Variants in CCT6A observed in about 807,000 individuals in gnomAD.
The protein encoded by CCT6A is T-complex protein 1 subunit zeta.
In CCT6A, 6 loss-of-function variants were observed where a neutral mutation model predicts 58.6. The ratio of observed to expected loss-of-function variants is 0.10; its 90% CI spans 0.06 to 0.20. CCT6A has a LOEUF of 0.20. Ranked by LOEUF, CCT6A falls within the 10% of genes least tolerant of loss-of-function variation. CCT6A has a pLI of 1.00. For synonymous variants in CCT6A, 245 were observed against 227.8 expected, an observed-to-expected ratio of 1.08 and a Z score of -0.68; for missense variants, 516 against 648.8, an observed-to-expected ratio of 0.80 and a Z score of 2.22.
At chr7:56,061,230 T>C (rs1794424575) in intron 11 of CCT6A, among the ~76,000 whole-genome samples, 1 of 152,208 alleles carries the variant, frequency 6.6e-6, no homozygotes, top group Non-Finnish European at 1.5e-5. Context: ...CTGATATCAT[T>C]GTTTTCTATT....
rs1794385997 is a variant in CCT6A, at chr7:56,059,550, T to G, written c.975T>G (p.Thr325=). 1 of 1,591,520 alleles carries G rather than the reference T, an allele frequency of 6.3e-7. No individual in the cohort carries two copies. Among genetic ancestry groups the G allele is most frequent in the Admixed American group, 1.7e-5 (1 of 59,948 alleles). The stretch of plus-strand genomic sequence containing the variant: ...CCTTAAAATGCTATTTCAGGCTGAC[T>G]CTTGCTTGTGGTGGGGTAGCCCTGA... ...RAKRRNMERL[T]LACGGVALNS... Residue 325 remains threonine (T), a synonymous_variant, in exon 9 of 14, where the codon ACT becomes ACG. Coordinates refer to ENST00000275603, the MANE Select transcript of CCT6A (RefSeq NM_001762.4).
intron 8 of CCT6A, 56 bp from the exon 9 acceptor site, chr7:56,059,488 T>C (rs780715658): frequency 1.5e-5 from 13 of 869,776 alleles, no homozygotes; most frequent in Non-Finnish European, 2.6e-5. Context: ...ACTGGTCTTA[T>C]CTTTGAAATT....
At position 56,063,275 on chromosome 7, in the gene CCT6A, G is replaced by T; in HGVS notation, c.*190G>T. 1 of 597,074 alleles carries T rather than the reference G, an allele frequency of 1.7e-6. No homozygotes were observed. The highest frequency in any genetic ancestry group is 3.0e-6 in the Non-Finnish European group (1 of 337,082). The allele number at this position is 597,074 out of a possible 1,614,324, so 37.0% of individuals were successfully genotyped here. On this transcript the variant is annotated 3_prime_UTR_variant, in exon 14 of 14. Coordinates refer to ENST00000275603, the MANE Select transcript of CCT6A (RefSeq NM_001762.4). ...TAGTATTTTTAAAAATTGCACTGAA[G>T]TGTATACACATAAAGCAGGTCTTTT...
At chr7:56,053,504 C>G (rs1794235673) in intron 2 of CCT6A, among the ~76,000 whole-genome samples, 1 of 152,116 alleles carries the variant, frequency 6.6e-6, no homozygotes, top group Non-Finnish European at 1.5e-5. Flanking sequence ...GTAATCGCAG[C>G]ACTTTGGCAG....
At chr7:56,052,399 G>A in intron 1 of CCT6A, 23 bp from the exon 2 acceptor site, 1 of 1,609,572 alleles carries the variant, frequency 6.2e-7, no homozygotes, top group Non-Finnish European at 8.5e-7. Context: ...TCATAGTCTG[G>A]TTCATTTCTG....
Position 56,062,702 on chromosome 7 carries a change from A to C in CCT6A, c.1470A>C (p.Ala490=), listed in dbSNP as rs2117353515. ...DLNTGEPMVA[A]EVGVWDNYCV... is the part of the protein sequence containing the mutation. Reference sequence around the variant, plus strand: ...TTTTAGGTGAGCCAATGGTGGCAGCAGAAGTAGGCGTATGGGATAACTATT... The same window carrying C: ...TTTTAGGTGAGCCAATGGTGGCAGCCGAAGTAGGCGTATGGGATAACTATT... Residue 490 remains alanine (A), a synonymous_variant, in exon 13 of 14, where the codon GCA becomes GCC. Coordinates refer to ENST00000275603, the MANE Select transcript of CCT6A (RefSeq NM_001762.4). The C allele has an allele frequency of 6.2e-7, 1 of 1,614,142 alleles. No homozygotes were observed. Among genetic ancestry groups the C allele is most frequent in the South Asian group, 1.1e-5 (1 of 91,080 alleles).
chr7:56,055,893 A>G, intron 4 of CCT6A, 96 bp downstream of exon 4: 6 of 923,708 alleles, frequency 6.5e-6, no homozygotes, highest in East Asian at 2.5e-5. Flanking sequence ...TTCAATTACA[A>G]GGTGCTGTGT....
rs914022025 is a variant in CCT6A, at chr7:56,055,820, G to A, written c.510+23G>A. On this transcript the variant is annotated intron_variant, in intron 4 of 13. Coordinates refer to ENST00000275603, the MANE Select transcript of CCT6A (RefSeq NM_001762.4). ...GAGGTATGTATTAAATTTTGTCTAT[G>A]TCTGGTATAGTATACCTATATAGAA... 6 of 1,557,894 alleles carry A rather than the reference G, an allele frequency of 3.9e-6. No homozygotes were observed. In the African/African-American group the frequency reaches 5.4e-5, roughly 14 times the overall value.
At chr7:56,058,918 T>C in intron 8 of CCT6A, 5 of 368,602 alleles carry the variant, frequency 1.4e-5, no homozygotes, top group East Asian at 4.2e-5. Flanking sequence ...CATTTCTCCC[T>C]CCCCCTTGCC....
In CCT6A at chr7:56,055,786, G is replaced by A; in HGVS notation, c.499G>A (p.Val167Ile). 6.2e-7 allele frequency: 1 copy of A among 1,613,016 alleles called. No homozygotes were observed. Residue 167 changes from valine (V) to isoleucine (I), a missense_variant, in exon 4 of 14, where the codon GTC becomes ATC. This residue lies in a region of CCT6A where 85 missense variants were observed against 74.9 expected (regional missense o/e 1.13). Coordinates refer to ENST00000275603, the MANE Select transcript of CCT6A (RefSeq NM_001762.4). Reference protein sequence around the residue: ...RTKVHAELADVLTEAVVDSIL... With the variant: ...RTKVHAELADILTEAVVDSIL... ...TAAAGTTCATGCTGAACTTGCAGAT[G>A]TCTTAACAGAGGTATGTATTAAATT... is the stretch of plus-strand genomic sequence containing the variant.
At position 56,062,928 on chromosome 7, in the gene CCT6A, G is replaced by A. The variant is rs1426387214; in HGVS notation, c.1524-85G>A. Reference sequence around the variant, plus strand: ...AGGGGGAAATTTAATTGGATGTAATGTGTGCAGCTTGGTTGGAAGTGGGAA... The same window carrying A: ...AGGGGGAAATTTAATTGGATGTAATATGTGCAGCTTGGTTGGAAGTGGGAA... On this transcript the variant is annotated intron_variant, in intron 13 of 13. Transcript: ENST00000275603. The A allele has an allele frequency of 5.1e-6, 6 of 1,180,836 alleles. No homozygotes were observed. In the African/African-American group the frequency reaches 7.5e-5, roughly 15 times the overall value. 73.1% of individuals were successfully genotyped at this position (1,180,836 alleles called of 1,614,324 possible). A position where few individuals can be genotyped will look rare whatever the true frequency, so the allele number is the denominator to read the frequency against.
chr7:56,056,525 C>G, intron 5 of CCT6A, 111 bp downstream of exon 5: 1 of 649,278 alleles, frequency 1.5e-6, no homozygotes, highest in Non-Finnish European at 2.8e-6. Context: ...GAGTTCCAGA[C>G]CAGCCTGGCC....
intron 2 of CCT6A, among the ~76,000 whole-genome samples, chr7:56,053,752 T>G (rs1383895614): frequency 6.6e-6 from 1 of 151,986 alleles, no homozygotes; most frequent in Non-Finnish European, 1.5e-5. Context: ...AGTGAGGGTA[T>G]CTCCAAAACA....
intron 5 of CCT6A, among the ~76,000 whole-genome samples, chr7:56,057,280 C>A (rs1272087406): frequency 6.6e-6 from 1 of 151,998 alleles, no homozygotes; most frequent in African/African-American, 2.4e-5. Context: ...AGGTACAAAG[C>A]ATAATGAGAA....
chr7:56,058,290 G>C (rs1794357767), intron 6 of CCT6A, 72 bp from the exon 7 acceptor site: 1 of 1,161,650 alleles, frequency 8.6e-7, no homozygotes, highest in Non-Finnish European at 1.2e-6. Context: ...TTAAATCTTA[G>C]GACTAATCCA....
intron 8 of CCT6A, 92 bp downstream of exon 8, chr7:56,058,794 T>C: frequency 2.6e-6 from 2 of 764,430 alleles, no homozygotes; most frequent in African/African-American, 1.7e-5. Context: ...TTCAACTGTA[T>C]AGTTAATTGG....
At position 56,058,052 on chromosome 7, in the gene CCT6A, T is replaced by C. The variant is rs765352658; in HGVS notation, c.674T>C (p.Val225Ala). Residue 225 changes from valine (V) to alanine (A), a missense_variant, in exon 6 of 14, where the codon GTG becomes GCG. Around this residue, in one of 3 missense-constraint regions of CCT6A, gnomAD observed 315 missense variants for 389.4 expected, o/e 0.81. Transcript: ENST00000275603. ...CGGCATCCTGATATGAAGAAAAGGG[T>C]GGAGGATGCATACATCCTCACTTGT... Reference protein sequence around the residue: ...GARHPDMKKRVEDAYILTCNV... With the variant: ...GARHPDMKKRAEDAYILTCNV... 1.2e-6 allele frequency: 2 copies of C among 1,612,886 alleles called. No homozygotes were observed. The highest frequency in any genetic ancestry group is 2.2e-5 in the East Asian group (1 of 44,872).
At chr7:56,055,839 T>C in intron 4 of CCT6A, 42 bp downstream of exon 4, 3 of 1,404,806 alleles carry the variant, frequency 2.1e-6, no homozygotes, top group Non-Finnish European at 3.0e-6. Context: ...AGTATACCTA[T>C]ATAGAAAATC....
Position 56,058,543 on chromosome 7 carries a change from A to G in CCT6A, c.885+22A>G, listed in dbSNP as rs777316146. On this transcript the variant is annotated intron_variant, in intron 7 of 13. Transcript: ENST00000275603. The stretch of plus-strand genomic sequence containing the variant: ...AAAGGTGAGAATGAAAACTCAATGT[A>G]TAAACTAAATAGTACGTATCATCCT... 15 of 1,578,156 alleles carry G rather than the reference A, an allele frequency of 9.5e-6. No homozygotes were observed. The South Asian group carries it at 1.1e-4, about 12-fold the overall frequency.
Sources: allele counts gnomAD v4.1 joint callset (sites outside exome capture counted in the v4.1 genomes callset), GRCh38; gene constraint gnomAD v4.1.1; regional missense constraint gnomAD v4.1.1; transcripts MANE v1.5; gene names NCBI Gene and HGNC (gene_info 2026-07-23, HGNC 2026-07-21).